TMEM43: variants seen among roughly 807,000 people sequenced by gnomAD.
TMEM43 encodes the protein transmembrane protein 43, also known as arrhythmogenic right ventricular dysplasia 5.
A neutral mutation model predicts 49.6 loss-of-function variants in TMEM43; 45 were observed. That is an observed-to-expected ratio of 0.91 (90% CI 0.71 to 1.16). TMEM43 has a LOEUF of 1.16. TMEM43 is among the 50% of genes most tolerant of loss of function. The probability of loss-of-function intolerance (pLI) is 0.00; values close to 1 mark genes in which losing one functional copy is unlikely to be tolerated. For synonymous variants in TMEM43, 199 were observed against 207.8 expected, an observed-to-expected ratio of 0.96 and a Z score of 0.36; for missense variants, 532 against 516.6, an observed-to-expected ratio of 1.03 and a Z score of -0.29.
At position 14,139,242 on chromosome 3, in the gene TMEM43, C is replaced by T; in HGVS notation, c.945C>T (p.Gly315=). The stretch of plus-strand genomic sequence containing the variant: ...AGACCTGGGGCCTGCGGGCAGCTGG[C>T]TGGATGGCCATGTTCATGGGCCTCA... The part of the protein sequence containing the change: ...SMKTWGLRAA[G]WMAMFMGLNL... Residue 315 remains glycine (G), a synonymous_variant, in exon 11 of 12, where the codon GGC becomes GGT. Coordinates refer to ENST00000306077, the MANE Select transcript of TMEM43 (RefSeq NM_024334.3). The T allele has an allele frequency of 6.2e-7, 1 of 1,614,226 alleles. No individual in the cohort carries two copies. Among genetic ancestry groups the T allele is most frequent in the Non-Finnish European group, 8.5e-7 (1 of 1,180,030 alleles).
At chr3:14,133,519 A>G (rs763605268) in intron 6 of TMEM43, among the ~76,000 whole-genome samples, 1 of 152,146 alleles carries the variant, frequency 6.6e-6, no homozygotes, top group African/African-American at 2.4e-5. Context: ...GCAAGAGGGT[A>G]GGAAGCTCCG....
chr3:14,133,800 C>T lies in TMEM43; in HGVS notation c.574C>T (p.Leu192Phe), dbSNP rs762333890. ...APFVQIGRFF[L>F]SSGLIDKVDN... ...CTTTGTCCAAATTGGCAGGTTTTTC[C>T]TCTCGTCAGGTAAGTCTCAGGCCTC... is the stretch of plus-strand genomic sequence containing the variant. Residue 192 changes from leucine to phenylalanine, a missense_variant, in exon 7 of 12, where the codon CTC becomes TTC. Transcript: ENST00000306077. 1 of 1,614,164 alleles carries T rather than the reference C, an allele frequency of 6.2e-7. No individual in the cohort carries two copies. The highest frequency in any genetic ancestry group is 1.1e-5 in the South Asian group (1 of 91,090).
intron 1 of TMEM43, 87 bp downstream of exon 1, chr3:14,125,292 C>T: frequency 6.7e-7 from 1 of 1,493,042 alleles, no homozygotes; most frequent in Non-Finnish European, 9.1e-7. Context: ...TCCATTTCGC[C>T]GCCTGGAGCT....
intron 11 of TMEM43, among the ~76,000 whole-genome samples, chr3:14,140,043 A>C (rs1201321601): frequency 6.6e-6 from 1 of 152,234 alleles, no homozygotes; most frequent in African/African-American, 2.4e-5. Context: ...GGGTGCCAAC[A>C]GAAACCTCTT....
Position 14,143,128 on chromosome 3 carries a change from C to T in TMEM43, c.*1333C>T, listed in dbSNP as rs1252617529. Reference sequence around the variant, plus strand: ...ACAGAATTTCTAAGTTCCCCAACTACTCTCACACCCTTTTAAAGATAAAGT... The same window carrying T: ...ACAGAATTTCTAAGTTCCCCAACTATTCTCACACCCTTTTAAAGATAAAGT... On this transcript the variant is annotated 3_prime_UTR_variant, in exon 12 of 12. Coordinates refer to ENST00000306077, the MANE Select transcript of TMEM43 (RefSeq NM_024334.3). 6.6e-6 allele frequency: 1 copy of T among 152,220 alleles called. No homozygotes were observed. Among genetic ancestry groups the T allele is most frequent in the African/African-American group, 2.4e-5 (1 of 41,410 alleles). The allele number at this position is 152,220 out of a possible 1,614,324, so 9.4% of individuals were successfully genotyped here. A position where few individuals can be genotyped will look rare whatever the true frequency, so the allele number is the denominator to read the frequency against.
rs150334659 is a variant in TMEM43, at chr3:14,129,444, C to G, written c.45C>G (p.Val15=). 6 of 1,613,270 alleles carry G rather than the reference C, an allele frequency of 3.7e-6. No homozygotes were observed. The highest frequency in any genetic ancestry group is 5.1e-6 in the Non-Finnish European group (6 of 1,179,924). ...YSSTSTRREH[V]KVKTSSQPGF... ...GTACCAGTACCCGGAGAGAACATGT[C>G]AAAGTTAAAACCAGCTCCCAGCCAG... The change falls in exon 2 of 12, where the codon GTC becomes GTG. Residue 15 remains valine, a synonymous_variant. Transcript: ENST00000306077.
rs780392028 is a variant in TMEM43 at position 14,131,683 on chromosome 3, T to C, written c.392+9T>C. 6.8e-6 allele frequency: 11 copies of C among 1,608,700 alleles called. No individual in the cohort carries two copies. Among genetic ancestry groups the C allele is most frequent in the Non-Finnish European group, 9.4e-6 (11 of 1,175,416 alleles). ...GAAACTGAGGAGTCCAGGTGAGCTG[T>C]TGGGGTGAAAACTCTGTTGGGGTAA... is the stretch of plus-strand genomic sequence containing the variant. On this transcript the variant is annotated intron_variant, in intron 4 of 11. Transcript: ENST00000306077.
intron 11 of TMEM43, among the ~76,000 whole-genome samples, chr3:14,140,553 G>T (rs1179905742): frequency 6.6e-6 from 1 of 152,192 alleles, no homozygotes. Flanking sequence ...TAGAGCAACA[G>T]CTCAGAGCCC....
rs774276092 is a variant in TMEM43, at chr3:14,131,615, G to A, written c.333G>A (p.Pro111=). 42 of 1,614,034 alleles carry A rather than the reference G, an allele frequency of 2.6e-5. No individual in the cohort carries two copies. Among genetic ancestry groups the A allele is most frequent in the East Asian group, 8.9e-5 (4 of 44,896 alleles). The part of the protein sequence containing the change: ...LSDPNYGVHL[P]AVKLRRHVEM... ...ATCCAAACTATGGGGTCCATCTTCC[G>A]GCTGTGAAACTGCGGAGGCACGTGG... The change falls in exon 4 of 12, where the codon CCG becomes CCA. Residue 111 remains proline (P), a synonymous_variant. Transcript: ENST00000306077.
chr3:14,141,522 G>A (rs1422652243), intron 11 of TMEM43, 71 bp from the exon 12 acceptor site: 16 of 1,432,398 alleles, frequency 1.1e-5, no homozygotes, highest in Non-Finnish European at 1.6e-5. Context: ...CTCATCTAGG[G>A]ACAGGAGAGA....
In TMEM43 at chr3:14,142,104, C is replaced by T; in HGVS notation, c.*309C>T. 2.1e-5 allele frequency: 9 copies of T among 430,080 alleles called. No individual in the cohort carries two copies. The highest frequency in any genetic ancestry group is 1.4e-4 in the East Asian group (3 of 21,434). 26.6% of individuals were successfully genotyped at this position (430,080 alleles called of 1,614,324 possible). ...TGAGTGGGTACGGCCAGCCACTCAGCCCATTGGCAGCTGACAACGCAGACA... is the reference window on the plus strand; with the variant it reads ...TGAGTGGGTACGGCCAGCCACTCAGTCCATTGGCAGCTGACAACGCAGACA... On this transcript the variant is annotated 3_prime_UTR_variant, in exon 12 of 12. Transcript: ENST00000306077.
Position 14,130,953 on chromosome 3 carries a change from C to G in TMEM43, c.294C>G (p.Ser98=), listed in dbSNP as rs920306026. ...ACATCATTGGCGCCTTACGGACATC[C>G]AAGGTAGGTTTGGCAGGGGATGCTG... ...LVHIIGALRT[S]KLLSDPNYGV... The change falls in exon 3 of 12, where the codon TCC becomes TCG. Residue 98 remains serine (S), a synonymous_variant. Transcript: ENST00000306077. 3.7e-6 allele frequency: 6 copies of G among 1,609,532 alleles called. No individual in the cohort carries two copies. Among genetic ancestry groups the G allele is most frequent in the Non-Finnish European group, 4.2e-6 (5 of 1,176,614 alleles).
At chr3:14,125,644 GGACA>G (rs1182111016) in intron 1 of TMEM43, among the ~76,000 whole-genome samples, 1 of 152,160 alleles carries the variant, frequency 6.6e-6, no homozygotes, top group African/African-American at 2.4e-5. Context: ...GTCCAGCAAT[GGACA>G]GACAGGGCTG....
chr3:14,131,814 C>A, intron 4 of TMEM43, 140 bp downstream of exon 4: 1 of 722,984 alleles, frequency 1.4e-6, no homozygotes, highest in Non-Finnish European at 2.4e-6. Flanking sequence ...GTGAAATGAT[C>A]CCCAAATTAA....
chr3:14,134,649 C>A, intron 7 of TMEM43, 121 bp from the exon 8 acceptor site: 1 of 1,310,998 alleles, frequency 7.6e-7, no homozygotes, highest in Non-Finnish European at 1.1e-6. Flanking sequence ...AGAGGCACTG[C>A]AGGTGGGAGT....
At position 14,142,512 on chromosome 3, in the gene TMEM43, G is replaced by C. The variant is rs1222864391; in HGVS notation, c.*717G>C. 3 of 152,578 alleles carry C rather than the reference G, an allele frequency of 2.0e-5. No homozygotes were observed. Among genetic ancestry groups the C allele is most frequent in the Non-Finnish European group, 4.4e-5 (3 of 68,058 alleles). The allele number at this position is 152,578 out of a possible 1,614,324, so 9.5% of individuals were successfully genotyped here. A position where few individuals can be genotyped will look rare whatever the true frequency, so the allele number is the denominator to read the frequency against. On this transcript the variant is annotated 3_prime_UTR_variant, in exon 12 of 12. Transcript: ENST00000306077. ...TTTCTTCGTTACTTTGCTGCTTCAT[G>C]TGTACTTTCCTACCCCAAGAGGAAG...
Position 14,130,889 on chromosome 3 carries a change from T to C in TMEM43, c.230T>C (p.Ile77Thr). 1 of 1,613,752 alleles carries C rather than the reference T, an allele frequency of 6.2e-7. No individual in the cohort carries two copies. Among genetic ancestry groups the C allele is most frequent in the South Asian group, 1.1e-5 (1 of 91,044 alleles). Reference sequence around the variant, plus strand: ...TCGCTTGTGGTGTCTCCCGACAGCATCCACAGTGTGGCTCCGGAGAATGAA... The same window carrying C: ...TCGCTTGTGGTGTCTCCCGACAGCACCCACAGTGTGGCTCCGGAGAATGAA... The part of the protein sequence containing the change: ...GLSLVVSPDS[I>T]HSVAPENEGR... The change falls in exon 3 of 12, where the codon ATC becomes ACC. Residue 77 changes from isoleucine to threonine, a missense_variant. Coordinates refer to ENST00000306077, the MANE Select transcript of TMEM43 (RefSeq NM_024334.3).
At chr3:14,127,107 A>G (rs949277107) in intron 1 of TMEM43, among the ~76,000 whole-genome samples, 1 of 152,098 alleles carries the variant, frequency 6.6e-6, no homozygotes, top group African/African-American at 2.4e-5. Context: ...GGGATGTGTC[A>G]CTGGGGATGT....
At chr3:14,140,137 C>G (rs898655058) in intron 11 of TMEM43, among the ~76,000 whole-genome samples, 9 of 152,228 alleles carry the variant, frequency 5.9e-5, no homozygotes, top group African/African-American at 2.2e-4. Flanking sequence ...CCTTTGTTTA[C>G]AGTTGGGAAA....
Sources: allele counts gnomAD v4.1 joint callset (sites outside exome capture counted in the v4.1 genomes callset), GRCh38; gene constraint gnomAD v4.1.1; transcripts MANE v1.5; gene names NCBI Gene and HGNC (gene_info 2026-07-23, HGNC 2026-07-21).